Variants in ARB2A observed in about 807,000 individuals in gnomAD.
ARB2A encodes cotranscriptional regulator ARB2A.
the ARB2A span, among the ~76,000 whole-genome samples, chr5:94,043,518 C>G: frequency 2.0e-5 from 3 of 152,196 alleles, no homozygotes; most frequent in Non-Finnish European, 2.9e-5. Context: ...ACTGGAAAAA[C>G]TGGTTATTTT....
At chr5:94,029,949 A>G in the ARB2A span, among the ~76,000 whole-genome samples, 1 of 152,224 alleles carries the variant, frequency 6.6e-6, no homozygotes, top group South Asian at 2.1e-4. Context: ...CCTCACAATC[A>G]TGGCGGAAGA....
chr5:93,740,703 T>C, the ARB2A span: 1 of 1,613,772 alleles, frequency 6.2e-7, no homozygotes, highest in Non-Finnish European at 8.5e-7. Context: ...ACACTGGTGC[T>C]CCTGGGCAAG....
At chr5:93,689,304 G>A in the ARB2A span, among the ~76,000 whole-genome samples, 1 of 152,192 alleles carries the variant, frequency 6.6e-6, no homozygotes, top group Non-Finnish European at 1.5e-5. Flanking sequence ...AAGAGCAGGG[G>A]CTGTACTTGT....
At chr5:93,958,698 T>C in the ARB2A span, 3 of 1,036,834 alleles carry the variant, frequency 2.9e-6, no homozygotes, top group Non-Finnish European at 4.0e-6. Context: ...TAGGATATAC[T>C]TTTTGAAGAA....
At chr5:93,689,921 G>T in the ARB2A span, among the ~76,000 whole-genome samples, 1 of 152,120 alleles carries the variant, frequency 6.6e-6, no homozygotes, top group Non-Finnish European at 1.5e-5. Flanking sequence ...CCGAAGTCAG[G>T]TGGGGCATCT....
At chr5:94,036,422 A>G in the ARB2A span, among the ~76,000 whole-genome samples, 2 of 152,288 alleles carry the variant, frequency 1.3e-5, no homozygotes, top group East Asian at 3.9e-4. Context: ...CCTTTCTCAT[A>G]CAAATGGGAA....
At chr5:93,805,410 C>T in the ARB2A span, 4 of 985,084 alleles carry the variant, frequency 4.1e-6, no homozygotes, top group Non-Finnish European at 4.8e-6. Context: ...ACCCCCGTTT[C>T]CCCAGAAATG....
the ARB2A span, among the ~76,000 whole-genome samples, chr5:94,033,901 T>A: frequency 3.3e-5 from 5 of 152,246 alleles, no homozygotes; most frequent in African/African-American, 9.6e-5. Context: ...GGTAGATTAA[T>A]GTCTTTGTCT....
the ARB2A span, among the ~76,000 whole-genome samples, chr5:93,878,101 C>T: frequency 6.6e-6 from 1 of 151,992 alleles, no homozygotes; most frequent in African/African-American, 2.4e-5. Flanking sequence ...GTAATCTCAG[C>T]TACTGGATTG....
chr5:94,017,957 C>T, the ARB2A span, among the ~76,000 whole-genome samples: 16 of 152,150 alleles, frequency 1.1e-4, no homozygotes, highest in African/African-American at 3.9e-4. Flanking sequence ...ATAAGTCTCA[C>T]GAGATCTGAT....
the ARB2A span, among the ~76,000 whole-genome samples, chr5:93,856,949 G>C: frequency 2.0e-5 from 3 of 152,104 alleles, no homozygotes; most frequent in African/African-American, 7.2e-5. Flanking sequence ...GTGATGTACA[G>C]ATGGGTTCTT....
chr5:93,677,438 G>A, the ARB2A span, among the ~76,000 whole-genome samples: 3 of 152,340 alleles, frequency 2.0e-5, no homozygotes, highest in East Asian at 5.8e-4. Flanking sequence ...AAAACGCTGA[G>A]AAGGCGTAAT....
At chr5:94,081,516 T>G in the ARB2A span, among the ~76,000 whole-genome samples, 2,128 of 152,270 alleles carry the variant, frequency 0.014, 51 homozygotes, top group African/African-American at 0.048. Flanking sequence ...TAGAAAGGAA[T>G]GAAGTACCGA....
chr5:93,960,092 C>T, the ARB2A span, among the ~76,000 whole-genome samples: 160 of 147,134 alleles, frequency 1.1e-3, 5 homozygotes, highest in African/African-American at 3.9e-3. Flanking sequence ...CCCCCCCCCC[C>T]CCCAAAAAAA....
the ARB2A span, among the ~76,000 whole-genome samples, chr5:93,753,395 T>G: frequency 6.6e-6 from 1 of 152,234 alleles, no homozygotes. Flanking sequence ...ACAGTCAACC[T>G]GGACTATTTA....
the ARB2A span, among the ~76,000 whole-genome samples, chr5:94,021,932 G>A: frequency 2.0e-5 from 3 of 152,170 alleles, no homozygotes; most frequent in African/African-American, 7.2e-5. Context: ...TTAGTTGAGA[G>A]TAGTGGCATG....
the ARB2A span, among the ~76,000 whole-genome samples, chr5:93,662,316 C>T: frequency 3.9e-5 from 6 of 152,024 alleles, no homozygotes; most frequent in Admixed American, 1.3e-4. Context: ...CAGGTTATCC[C>T]ATATTGGATA....
chr5:93,812,526 G>A, the ARB2A span, among the ~76,000 whole-genome samples: 1 of 152,242 alleles, frequency 6.6e-6, no homozygotes, highest in East Asian at 1.9e-4. Context: ...AGAAAGTTGA[G>A]TGTGTTTTAT....
At chr5:93,925,991 T>C in the ARB2A span, among the ~76,000 whole-genome samples, 2 of 152,194 alleles carry the variant, frequency 1.3e-5, no homozygotes, top group Non-Finnish European at 1.5e-5. Context: ...ACCTTTACAA[T>C]ATTAAGATTT....
Sources: allele counts gnomAD v4.1 joint callset (sites outside exome capture counted in the v4.1 genomes callset), GRCh38; gene constraint gnomAD v4.1.1; transcripts MANE v1.5; gene names NCBI Gene and HGNC (gene_info 2026-07-23, HGNC 2026-07-21).